LPP: variants seen among roughly 807,000 people sequenced by gnomAD.
LPP encodes the protein LIM domain containing preferred translocation partner in lipoma.
Under a neutral mutation model 60.4 loss-of-function variants are expected in LPP, and 38 were observed. The observed-to-expected ratio is 0.63, with a 90% CI of 0.49 to 0.83. The LOEUF is 0.83. LPP is among the 40% of genes least tolerant of loss of function. The pLI, the probability that LPP is intolerant of heterozygous loss-of-function variation, is 0.00. For missense variants in LPP, 902 were observed against 783.6 expected (o/e 1.15, Z -1.80); for synonymous variants, 328 against 290.8 (o/e 1.13, Z -1.30).
intron 3 of LPP, among the ~76,000 whole-genome samples, chr3:188,354,836 G>GACACACAA (rs1553873484): frequency 5.9e-5 from 9 of 151,428 alleles, no homozygotes; most frequent in African/African-American, 2.2e-4. Context: ...CACACACACA[G>GACACACAA]ACACACACAC....
At chr3:188,434,164 T>C (rs1423292849) in intron 4 of LPP, among the ~76,000 whole-genome samples, 2 of 152,222 alleles carry the variant, frequency 1.3e-5, no homozygotes, top group African/African-American at 2.4e-5. Flanking sequence ...GCAGTCTTTA[T>C]AGTAATGACT....
At chr3:188,178,672 T>C (rs1342373811) in intron 1 of LPP, 3 of 153,006 alleles carry the variant, frequency 2.0e-5, no homozygotes, top group Non-Finnish European at 4.4e-5. Context: ...TCACAGCCAA[T>C]GTGTGCGGCA....
At chr3:188,406,797 G>A (rs1783603092) in intron 4 of LPP, among the ~76,000 whole-genome samples, 1 of 152,186 alleles carries the variant, frequency 6.6e-6, no homozygotes, top group Non-Finnish European at 1.5e-5. Context: ...GCTGCTGAAG[G>A]ATAAGTTGTC....
intron 7 of LPP, among the ~76,000 whole-genome samples, chr3:188,661,100 C>A (rs1199631829): frequency 6.6e-6 from 1 of 152,180 alleles, no homozygotes; most frequent in Non-Finnish European, 1.5e-5. Flanking sequence ...AATATGCAGC[C>A]TTTCCATATT....
chr3:188,540,565 A>G (rs975340521), intron 6 of LPP, among the ~76,000 whole-genome samples: 3 of 152,164 alleles, frequency 2.0e-5, no homozygotes, highest in African/African-American at 7.2e-5. Context: ...GACTCTAAAT[A>G]TGTGGCCTGG....
intron 7 of LPP, among the ~76,000 whole-genome samples, chr3:188,647,750 C>T (rs770911317): frequency 5.9e-5 from 9 of 152,210 alleles, no homozygotes; most frequent in Non-Finnish European, 1.0e-4. Context: ...AGAGTCACTG[C>T]CGGTCATTTC....
intron 3 of LPP, among the ~76,000 whole-genome samples, chr3:188,342,620 T>C (rs930143384): frequency 1.3e-5 from 2 of 152,208 alleles, no homozygotes; most frequent in Admixed American, 6.5e-5. Context: ...CTGCTGAATA[T>C]TTTGTTAATT....
chr3:188,162,443 A>G (rs1367001527), intron 1 of LPP, among the ~76,000 whole-genome samples: 1 of 152,210 alleles, frequency 6.6e-6, no homozygotes, highest in Non-Finnish European at 1.5e-5. Flanking sequence ...AGTTATTATT[A>G]TTTCACTAGT....
At position 188,886,344 on chromosome 3, in the gene LPP, C is replaced by T; in HGVS notation, c.*11865C>T. On this transcript the variant is annotated 3_prime_UTR_variant, in exon 12 of 12. Transcript: ENST00000617246. ...AAAAAAAAAAAAGAAAAGTGCCTCA[C>T]CTCCCTGTGAGGCTTGATGAATATT... The T allele has an allele frequency of 5.6e-6, 1 of 177,364 alleles. No individual in the cohort carries two copies. The highest frequency in any genetic ancestry group is 1.2e-5 in the Non-Finnish European group (1 of 83,734). 11.0% of individuals were successfully genotyped at this position (177,364 alleles called of 1,614,324 possible). A position where few individuals can be genotyped will look rare whatever the true frequency, so the allele number is the denominator to read the frequency against.
chr3:188,288,562 T>A (rs1744776335), intron 2 of LPP, among the ~76,000 whole-genome samples: 1 of 146,566 alleles, frequency 6.8e-6, no homozygotes, highest in Admixed American at 6.9e-5. Context: ...AGCCTTGGCC[T>A]TTTCCATATG....
In LPP at chr3:188,314,693, C is replaced by T. The variant is rs190401401; in HGVS notation, c.-66-26970C>T. Among the ~76,000 whole-genome samples, 396 of 152,084 alleles carry T rather than the reference C, an allele frequency of 2.6e-3. 3 individuals carry two copies. The highest frequency in any genetic ancestry group is 0.025 in the South Asian group (120 of 4,814). ...AAAATTAGCTGGGCATGGTGTCATG[C>T]GCCTGTAATCCCAGCTACTCGGGAG... On this transcript the variant is annotated intron_variant, in intron 2 of 11. Coordinates refer to ENST00000617246, the MANE Select transcript of LPP (RefSeq NM_001375462.1).
rs540724994 is a variant in LPP at position 188,614,764 on chromosome 3, G to A, written c.1113+4920G>A. Among the ~76,000 whole-genome samples, 360 of 152,270 alleles carry A rather than the reference G, an allele frequency of 2.4e-3. 1 individual carries two copies. The highest frequency in any genetic ancestry group is 8.2e-3 in the African/African-American group (341 of 41,558). The stretch of plus-strand genomic sequence containing the variant: ...TGGATGGCAGGAGCTCCTCATCAGC[G>A]CCAGTGTACATGGCTCCACTGTGAC... On this transcript the variant is annotated intron_variant, in intron 7 of 11. Transcript: ENST00000617246.
intron 9 of LPP, among the ~76,000 whole-genome samples, chr3:188,785,535 C>CATATATATATATATATATAT (rs369062490): frequency 2.6e-4 from 4 of 15,674 alleles, no homozygotes; most frequent in East Asian, 0.014. Flanking sequence ...TATATTCCAT[C>CATATATATATATATATATAT]ATATATATAT....
intron 2 of LPP, among the ~76,000 whole-genome samples, chr3:188,244,616 C>T (rs1010303816): frequency 2.0e-5 from 3 of 152,208 alleles, no homozygotes; most frequent in Non-Finnish European, 4.4e-5. Context: ...TGGCACTCTT[C>T]TCTATTAGAC....
rs11448997 is a variant in LPP at position 188,878,759 on chromosome 3, T to TAAAAAAAAAAAAAAAAAA, written c.*4296_*4297insAAAAAAAAAAAAAAAAAA. On this transcript the variant is annotated 3_prime_UTR_variant, in exon 12 of 12. Coordinates refer to ENST00000617246, the MANE Select transcript of LPP (RefSeq NM_001375462.1). Reference sequence around the variant, plus strand: ...ATATACTCACCAAAAAGTAAAAAAGTAAAAAAAAAAAAAAAAGAAAGAAAG... The same window carrying TAAAAAAAAAAAAAAAAAA: ...ATATACTCACCAAAAAGTAAAAAAGTAAAAAAAAAAAAAAAAAAAAAAAAAAAAAAAAAAGAAAGAAAG... 11 of 153,846 alleles carry TAAAAAAAAAAAAAAAAAA rather than the reference T, an allele frequency of 7.2e-5. No individual in the cohort carries two copies. The highest frequency in any genetic ancestry group is 1.1e-4 in the African/African-American group (4 of 34,854). 9.5% of individuals were successfully genotyped at this position (153,846 alleles called of 1,614,324 possible).
chr3:188,217,603 G>T lies in LPP; in HGVS notation c.-189-7802G>T, dbSNP rs1714141420. On this transcript the variant is annotated intron_variant, in intron 1 of 11. Transcript: ENST00000617246. The surrounding 1 kb of genome is among the most constrained non-coding windows in gnomAD (Gnocchi z 4.0). ...ACTTTGACTAGGGCATAGAAGTTGG[G>T]CAGGAGAGGTAAGTTTGGGGCATGT... 6.6e-6 allele frequency among the ~76,000 whole-genome samples: 1 copy of T among 152,108 alleles called. No individual in the cohort carries two copies.
intron 1 of LPP, among the ~76,000 whole-genome samples, chr3:188,206,479 A>G (rs1346933806): frequency 6.6e-6 from 1 of 152,220 alleles, no homozygotes; most frequent in Non-Finnish European, 1.5e-5. Flanking sequence ...CTAAGTATAT[A>G]TAACTCTTGA....
chr3:188,651,113 C>G (rs1442412512), intron 7 of LPP, among the ~76,000 whole-genome samples: 2 of 152,082 alleles, frequency 1.3e-5, no homozygotes, highest in African/African-American at 2.4e-5. Flanking sequence ...AAAATAAAAC[C>G]TGGGCTAAGA....
chr3:188,730,565 C>G (rs1314755305), intron 8 of LPP, among the ~76,000 whole-genome samples: 1 of 152,156 alleles, frequency 6.6e-6, no homozygotes, highest in Non-Finnish European at 1.5e-5. Context: ...AACCTTTGTT[C>G]AAATACATTA....
Sources: allele counts gnomAD v4.1 joint callset (sites outside exome capture counted in the v4.1 genomes callset), GRCh38; gene constraint gnomAD v4.1.1; non-coding constraint Gnocchi (gnomAD v3.1); transcripts MANE v1.5; gene names NCBI Gene and HGNC (gene_info 2026-07-23, HGNC 2026-07-21).